The following TACR1 variants were observed in gnomAD, a reference collection of about 807,000 sequenced individuals.
The protein encoded by TACR1 is substance-P receptor.
TACR1 carries 25 observed loss-of-function variants against 35.8 expected under a neutral mutation model. That is an observed-to-expected ratio of 0.70 (90% confidence interval 0.51 to 0.98). The LOEUF (loss-of-function observed/expected upper bound fraction) is 0.98, where lower values mean the gene tolerates loss of function less well. Ranked by LOEUF, TACR1 falls within the 50% of genes least tolerant of loss-of-function variation. The pLI is 0.00. For missense variants in TACR1, 478 were observed against 522.9 expected (o/e 0.91, Z 0.84); for synonymous variants, 195 against 206.7 (o/e 0.94, Z 0.48).
chr2:75,084,552 G>C (rs1673155859), intron 2 of TACR1, among the ~76,000 whole-genome samples: 1 of 152,168 alleles, frequency 6.6e-6, no homozygotes, highest in African/African-American at 2.4e-5. Context: ...GAGTCCGTCT[G>C]GTCCTGGACT....
chr2:75,096,480 G>T (rs905269859), intron 2 of TACR1, among the ~76,000 whole-genome samples: 12 of 152,174 alleles, frequency 7.9e-5, no homozygotes, highest in African/African-American at 2.9e-4. Context: ...GTGTGTATTG[G>T]GGTAAATTTC....
At chr2:75,114,687 A>G (rs190773353) in intron 2 of TACR1, among the ~76,000 whole-genome samples, 1 of 152,212 alleles carries the variant, frequency 6.6e-6, no homozygotes, top group Non-Finnish European at 1.5e-5. Context: ...CTTCAATGGG[A>G]AGAGTCACCT....
intron 1 of TACR1, among the ~76,000 whole-genome samples, chr2:75,185,605 C>T (rs74712104): frequency 2.0e-5 from 3 of 152,194 alleles, no homozygotes; most frequent in Non-Finnish European, 4.4e-5. Context: ...AATATACTCA[C>T]TAGTAAGAAG....
At chr2:75,079,292 T>C (rs1389828210) in intron 2 of TACR1, among the ~76,000 whole-genome samples, 1 of 152,190 alleles carries the variant, frequency 6.6e-6, no homozygotes, top group Non-Finnish European at 1.5e-5. Flanking sequence ...TGCTATCATT[T>C]TGAATGAGCT....
intron 2 of TACR1, among the ~76,000 whole-genome samples, chr2:75,060,172 A>C (rs1463876400): frequency 2.0e-5 from 3 of 152,182 alleles, no homozygotes; most frequent in African/African-American, 4.8e-5. Flanking sequence ...TCTGCAGGGG[A>C]GTAGTGCCAA....
chr2:75,165,059 C>T (rs1244400869), intron 1 of TACR1, among the ~76,000 whole-genome samples: 6 of 152,118 alleles, frequency 3.9e-5, no homozygotes, highest in Admixed American at 6.5e-5. Context: ...GGATCAACCA[C>T]CTGAGCATCC....
At chr2:75,175,756 A>T (rs891676697) in intron 1 of TACR1, among the ~76,000 whole-genome samples, 4 of 152,112 alleles carry the variant, frequency 2.6e-5, no homozygotes, top group Non-Finnish European at 1.5e-5. Flanking sequence ...CACATCTGTA[A>T]AGTCCTCTGT....
intron 1 of TACR1, among the ~76,000 whole-genome samples, chr2:75,127,868 T>C: frequency 6.6e-6 from 1 of 152,172 alleles, no homozygotes; most frequent in East Asian, 1.9e-4. Flanking sequence ...ACCCATCTCT[T>C]TCAGGAAAAC....
chr2:75,080,689 A>G (rs1166365144), intron 2 of TACR1, among the ~76,000 whole-genome samples: 1 of 152,178 alleles, frequency 6.6e-6, no homozygotes, highest in Admixed American at 6.5e-5. Flanking sequence ...ATCCTTTCCT[A>G]TTTCCAGGCA....
intron 2 of TACR1, among the ~76,000 whole-genome samples, chr2:75,072,324 G>A (rs1400772532): frequency 6.6e-6 from 1 of 152,212 alleles, no homozygotes; most frequent in East Asian, 1.9e-4. Flanking sequence ...GCAGCTGATG[G>A]CATCAGTAAG....
At chr2:75,115,986 A>AT (rs1362932537) in intron 2 of TACR1, among the ~76,000 whole-genome samples, 1 of 152,190 alleles carries the variant, frequency 6.6e-6, no homozygotes, top group Non-Finnish European at 1.5e-5. Flanking sequence ...GTTTAAAAAA[A>AT]CAAGGTGCAT....
chr2:75,092,166 TTTATATC>T (rs1673325062), intron 2 of TACR1, among the ~76,000 whole-genome samples: 2 of 151,916 alleles, frequency 1.3e-5, no homozygotes, highest in African/African-American at 4.8e-5. Context: ...TAAGAGAGGG[TTTATATC>T]ACATACACTG....
rs758398511 is a variant in TACR1, at chr2:75,198,801, G to C, written c.134C>G (p.Thr45Ser). The C allele has an allele frequency of 6.2e-7, 1 of 1,614,194 alleles. No individual in the cohort carries two copies. Among genetic ancestry groups the C allele is most frequent in the Non-Finnish European group, 8.5e-7 (1 of 1,180,032 alleles). Residue 45 changes from threonine (T) to serine (S), a missense_variant, in exon 1 of 5, where the codon ACC becomes AGC. Transcript: ENST00000305249. The part of the protein sequence containing the change: ...WAAAYTVIVV[T>S]SVVGNVVVMW... ...CACTACCACGTTGCCCACCACAGAG[G>C]TCACCACAATGACCGTGTAGGCAGC...
Position 75,049,240 on chromosome 2 carries a change from A to C in TACR1, c.*192T>G. 2 of 629,118 alleles carry C rather than the reference A, an allele frequency of 3.2e-6. No homozygotes were observed. Among genetic ancestry groups the C allele is most frequent in the Non-Finnish European group, 5.4e-6 (2 of 368,758 alleles). 39.0% of individuals were successfully genotyped at this position (629,118 alleles called of 1,614,324 possible). Reference sequence around the variant, plus strand: ...GATTTGGTTTGAGTCACACAGCATGAGGGTGGCAAAGATAGGGAAGAATTG... The same window carrying C: ...GATTTGGTTTGAGTCACACAGCATGCGGGTGGCAAAGATAGGGAAGAATTG... On this transcript the variant is annotated 3_prime_UTR_variant, in exon 5 of 5. Coordinates refer to ENST00000305249, the MANE Select transcript of TACR1 (RefSeq NM_001058.4).
At chr2:75,190,804 C>A (rs565611744) in intron 1 of TACR1, among the ~76,000 whole-genome samples, 11 of 152,188 alleles carry the variant, frequency 7.2e-5, no homozygotes, top group African/African-American at 2.7e-4. Context: ...TCTTTCCTAA[C>A]CATTCTACTG....
intron 1 of TACR1, among the ~76,000 whole-genome samples, chr2:75,167,760 T>G (rs1227328330): frequency 6.6e-6 from 1 of 152,116 alleles, no homozygotes; most frequent in Non-Finnish European, 1.5e-5. Flanking sequence ...TCAGAAAAAT[T>G]AAGAAAAAAT....
intron 2 of TACR1, among the ~76,000 whole-genome samples, chr2:75,087,827 C>T (rs1170483606): frequency 2.0e-5 from 3 of 152,214 alleles, no homozygotes; most frequent in African/African-American, 7.2e-5. Flanking sequence ...AAACATCTGT[C>T]ACAGCTGTAG....
At position 75,160,776 on chromosome 2, in the gene TACR1, G is replaced by A. The variant is rs887138453; in HGVS notation, c.389+37770C>T. ...AGAAGTAATGATTTAAGACATAACC[G>A]AAAAAAAAGTTCCTTAATGAATAAA... is the stretch of plus-strand genomic sequence containing the variant. On this transcript the variant is annotated intron_variant, in intron 1 of 4. Coordinates refer to ENST00000305249, the MANE Select transcript of TACR1 (RefSeq NM_001058.4). Among the ~76,000 whole-genome samples the A allele has an allele frequency of 4.1e-5, 6 of 146,000 alleles. 1 individual carries two copies. Among genetic ancestry groups the A allele is most frequent in the Admixed American group, 2.8e-4 (4 of 14,374 alleles).
intron 2 of TACR1, among the ~76,000 whole-genome samples, chr2:75,067,250 A>T (rs1206925687): frequency 6.6e-6 from 1 of 152,340 alleles, no homozygotes; most frequent in South Asian, 2.1e-4. Flanking sequence ...CACAGTTCTT[A>T]GATGCTGAAT....
Sources: allele counts gnomAD v4.1 joint callset (sites outside exome capture counted in the v4.1 genomes callset), GRCh38; gene constraint gnomAD v4.1.1; transcripts MANE v1.5; gene names NCBI Gene and HGNC (gene_info 2026-07-23, HGNC 2026-07-21).